Variants in RIMS1 observed in about 807,000 individuals in gnomAD.
RIMS1 encodes regulating synaptic membrane exocytosis 1.
A neutral mutation model predicts 214.1 loss-of-function variants in RIMS1; 83 were observed. The observed-to-expected ratio is 0.39, with a 90% confidence interval of 0.32 to 0.47. RIMS1 has a LOEUF of 0.47. RIMS1 is among the 20% of genes least tolerant of loss of function. The probability of loss-of-function intolerance (pLI) is 0.99; values close to 1 mark genes in which losing one functional copy is unlikely to be tolerated. For missense variants in RIMS1, 2,050 were observed against 2,161.8 expected (o/e 0.95, Z 1.03); for synonymous variants, 793 against 786.8 (o/e 1.01, Z -0.13).
At chr6:72,014,095 C>T (rs1004456878) in intron 2 of RIMS1, among the ~76,000 whole-genome samples, 14 of 152,202 alleles carry the variant, frequency 9.2e-5, no homozygotes, top group Non-Finnish European at 1.9e-4. Flanking sequence ...GTTTGATTGA[C>T]TTACAGTTCA....
At chr6:72,320,471 C>A (rs72933550) in intron 28 of RIMS1, among the ~76,000 whole-genome samples, 5 of 152,082 alleles carry the variant, frequency 3.3e-5, no homozygotes, top group Admixed American at 6.6e-5. Flanking sequence ...AGTGCTATTA[C>A]TTCCAAGGAG....
chr6:71,995,949 G>A (rs524708), intron 2 of RIMS1, among the ~76,000 whole-genome samples: 34,201 of 151,980 alleles, frequency 0.23, 4,494 homozygotes, highest in East Asian at 0.33. Flanking sequence ...ACCATGCCTG[G>A]CTAATTTTTG....
At chr6:72,244,315 C>G (rs1179284449) in intron 10 of RIMS1, among the ~76,000 whole-genome samples, 1 of 151,694 alleles carries the variant, frequency 6.6e-6, no homozygotes, top group Non-Finnish European at 1.5e-5. Context: ...GATATGTAAA[C>G]ATCCAGTGGA....
chr6:71,945,811 A>G lies in RIMS1; in HGVS notation c.165-23172A>G, dbSNP rs111783339. Among the ~76,000 whole-genome samples, 487 of 149,904 alleles carry G rather than the reference A, an allele frequency of 3.2e-3. 3 individuals carry two copies. The highest frequency in any genetic ancestry group is 0.012 in the African/African-American group (473 of 40,630). On this transcript the variant is annotated intron_variant, in intron 1 of 33. Transcript: ENST00000521978. ...GTCGCCCAGGCTGGAGTGCAGTGGC[A>G]TGATCTCAACTCACTGCAACCTCCG...
At chr6:72,380,384 C>G (rs1335031244) in intron 29 of RIMS1, among the ~76,000 whole-genome samples, 1 of 152,136 alleles carries the variant, frequency 6.6e-6, no homozygotes, top group Non-Finnish European at 1.5e-5. Flanking sequence ...TACCCTAGAA[C>G]TTAAAGTATA....
intron 2 of RIMS1, among the ~76,000 whole-genome samples, chr6:72,061,927 T>C (rs542275939): frequency 2.0e-5 from 3 of 152,340 alleles, no homozygotes; most frequent in Non-Finnish European, 4.4e-5. Flanking sequence ...TTCATAAATA[T>C]AATTATTCAG....
intron 28 of RIMS1, among the ~76,000 whole-genome samples, chr6:72,326,713 C>A (rs551065323): frequency 1.3e-5 from 2 of 151,654 alleles, no homozygotes; most frequent in African/African-American, 2.4e-5. Context: ...AATGTGCCCC[C>A]GACAAAGGGT....
Position 72,403,143 on chromosome 6 carries a change from G to A in RIMS1, c.*2429G>A, listed in dbSNP as rs570975514. The A allele has an allele frequency of 2.0e-5, 3 of 152,276 alleles. No individual in the cohort carries two copies. The East Asian group carries it at 5.8e-4, about 29-fold the overall frequency. The allele number at this position is 152,276 out of a possible 1,614,324, so 9.4% of individuals were successfully genotyped here. On this transcript the variant is annotated 3_prime_UTR_variant, in exon 34 of 34. Coordinates refer to ENST00000521978, the MANE Select transcript of RIMS1 (RefSeq NM_014989.7). ...TGCTAATAAAAGAGACAACTCTATT[G>A]TCCAATTGCCAAATTATTTCAAGTT... is the stretch of plus-strand genomic sequence containing the variant.
chr6:72,000,477 C>T (rs1387873208), intron 2 of RIMS1, among the ~76,000 whole-genome samples: 1 of 152,106 alleles, frequency 6.6e-6, no homozygotes, highest in Non-Finnish European at 1.5e-5. Context: ...TTCTGTTTCT[C>T]TTCTCTACAA....
intron 2 of RIMS1, among the ~76,000 whole-genome samples, chr6:72,045,930 A>G (rs1215656008): frequency 6.6e-6 from 1 of 151,528 alleles, no homozygotes; most frequent in Non-Finnish European, 1.5e-5. Flanking sequence ...GCTAAATTTC[A>G]GTATTGTTAT....
intron 22 of RIMS1, among the ~76,000 whole-genome samples, chr6:72,271,426 CTCAT>C (rs993705968): frequency 7.9e-5 from 12 of 150,948 alleles, no homozygotes; most frequent in African/African-American, 2.9e-4. Flanking sequence ...AATCAGTTAT[CTCAT>C]TTGTTTTGGT....
At chr6:72,090,115 A>G (rs1835814979) in intron 2 of RIMS1, among the ~76,000 whole-genome samples, 1 of 151,944 alleles carries the variant, frequency 6.6e-6, no homozygotes, top group Non-Finnish European at 1.5e-5. Context: ...GCACACGTAT[A>G]CATATGTAAC....
intron 6 of RIMS1, among the ~76,000 whole-genome samples, chr6:72,187,471 T>G (rs1038804593): frequency 8.5e-6 from 1 of 117,816 alleles, no homozygotes; most frequent in Non-Finnish European, 1.7e-5. Context: ...TGTCCAGATA[T>G]CCTTTTTGTT....
intron 4 of RIMS1, among the ~76,000 whole-genome samples, chr6:72,146,167 T>C (rs940411804): frequency 2.6e-5 from 4 of 152,216 alleles, no homozygotes; most frequent in African/African-American, 9.6e-5. Context: ...TTTCCTCTAT[T>C]TTAATGTCAC....
intron 29 of RIMS1, among the ~76,000 whole-genome samples, chr6:72,344,454 G>C (rs1296071630): frequency 6.6e-6 from 1 of 151,676 alleles, no homozygotes; most frequent in Non-Finnish European, 1.5e-5. Context: ...AAGTATGTAG[G>C]CCCTTCCAAA....
At chr6:72,272,267 A>G (rs2083783916) in intron 22 of RIMS1, among the ~76,000 whole-genome samples, 1 of 152,264 alleles carries the variant, frequency 6.6e-6, no homozygotes, top group South Asian at 2.1e-4. Context: ...TGTAATAGGG[A>G]AAAAAACCAG....
At chr6:72,080,677 G>T (rs753404724) in intron 2 of RIMS1, among the ~76,000 whole-genome samples, 46 of 152,050 alleles carry the variant, frequency 3.0e-4, no homozygotes, top group Non-Finnish European at 1.0e-4. Flanking sequence ...CCTACCACAG[G>T]GGCCCAGCCA....
intron 2 of RIMS1, among the ~76,000 whole-genome samples, chr6:72,040,525 A>G (rs527820861): frequency 1.3e-5 from 2 of 152,132 alleles, no homozygotes; most frequent in African/African-American, 4.8e-5. Context: ...GAAATTTACA[A>G]TTTGGGCTAG....
chr6:71,986,377 G>T (rs938382670), intron 2 of RIMS1, among the ~76,000 whole-genome samples: 1 of 151,872 alleles, frequency 6.6e-6, no homozygotes, highest in South Asian at 2.1e-4. Flanking sequence ...AATATTTCTG[G>T]TGGACAAAAT....
Sources: allele counts gnomAD v4.1 joint callset (sites outside exome capture counted in the v4.1 genomes callset), GRCh38; gene constraint gnomAD v4.1.1; transcripts MANE v1.5; gene names NCBI Gene and HGNC (gene_info 2026-07-23, HGNC 2026-07-21).